SNAPC3: variants seen among roughly 807,000 people sequenced by gnomAD.
SNAPC3 encodes small nuclear RNA activating complex polypeptide 3.
A neutral mutation model predicts 47.7 loss-of-function variants in SNAPC3; 56 were observed. The observed-to-expected ratio is 1.18, with a 90% confidence interval of 0.95 to 1.47. The LOEUF is 1.47. SNAPC3 is among the 40% of genes most tolerant of loss of function. The pLI is 0.00. For synonymous variants in SNAPC3, 235 were observed against 189.9 expected, an observed-to-expected ratio of 1.24 and a Z score of -1.95; for missense variants, 665 against 511.3, an observed-to-expected ratio of 1.30 and a Z score of -2.90.
At chr9:15,443,195 G>A (rs894326137) in intron 3 of SNAPC3, among the ~76,000 whole-genome samples, 3 of 152,190 alleles carry the variant, frequency 2.0e-5, no homozygotes, top group Non-Finnish European at 2.9e-5. Flanking sequence ...GGGGAGAGGG[G>A]GAGAGGGAGA....
chr9:15,452,479 C>A (rs539408489), intron 6 of SNAPC3, among the ~76,000 whole-genome samples: 1 of 152,074 alleles, frequency 6.6e-6, no homozygotes, highest in Non-Finnish European at 1.5e-5. Flanking sequence ...CCACCACGCC[C>A]GGCTGATTTT....
At chr9:15,456,360 T>C (rs965136038) in intron 7 of SNAPC3, among the ~76,000 whole-genome samples, 9 of 152,170 alleles carry the variant, frequency 5.9e-5, no homozygotes, top group African/African-American at 2.2e-4. Context: ...ACAACGTGAT[T>C]CCAAGGCTGA....
chr9:15,425,566 C>T (rs1052321874), intron 2 of SNAPC3, among the ~76,000 whole-genome samples: 1 of 152,150 alleles, frequency 6.6e-6, no homozygotes. Context: ...ATTACCACAA[C>T]CCATCTTTCC....
chr9:15,444,026 G>T (rs140141710), intron 3 of SNAPC3, among the ~76,000 whole-genome samples: 69 of 152,330 alleles, frequency 4.5e-4, no homozygotes, highest in African/African-American at 1.6e-3. Flanking sequence ...TTTGTGACAT[G>T]ATTCCCACTT....
chr9:15,424,816 A>G lies in SNAPC3; in HGVS notation c.392+830A>G, dbSNP rs375837488. ...GTTCTGTCGTTCTTGATCCTACGCT[A>G]TTATCCCCCTCAAATATTCAGGCAG... On this transcript the variant is annotated intron_variant, in intron 2 of 8. Coordinates refer to ENST00000380821, the MANE Select transcript of SNAPC3 (RefSeq NM_001039697.2). 5.3e-5 allele frequency among the ~76,000 whole-genome samples: 8 copies of G among 152,144 alleles called. No homozygotes were observed. The East Asian group carries it at 9.6e-4, about 18-fold the overall frequency.
chr9:15,465,677 A>G (rs2035575629), downstream of SNAPC3: 7 of 1,009,712 alleles, frequency 6.9e-6, no homozygotes, highest in South Asian at 1.0e-4. Context: ...AAACCCATGA[A>G]AAGACTGAAA....
intron 3 of SNAPC3, among the ~76,000 whole-genome samples, chr9:15,436,029 A>G (rs2032770646): frequency 6.6e-6 from 1 of 151,944 alleles, no homozygotes; most frequent in Admixed American, 6.6e-5. Flanking sequence ...TTTTTAGTAG[A>G]GATGGGGTTT....
chr9:15,440,489 T>A (rs1179318876), intron 3 of SNAPC3, among the ~76,000 whole-genome samples: 2 of 152,190 alleles, frequency 1.3e-5, no homozygotes, highest in African/African-American at 2.4e-5. Flanking sequence ...TTTTTTTCTT[T>A]CATGGGTTTA....
At chr9:15,423,821 C>T (rs901685116) in intron 1 of SNAPC3, 88 bp from the exon 2 acceptor site, 11 of 655,594 alleles carry the variant, frequency 1.7e-5, no homozygotes, top group Non-Finnish European at 2.5e-5. Flanking sequence ...CTTCGTAATT[C>T]AGTAATGTAT....
At chr9:15,442,077 C>A (rs1245298044) in intron 3 of SNAPC3, among the ~76,000 whole-genome samples, 7 of 151,606 alleles carry the variant, frequency 4.6e-5, no homozygotes, top group African/African-American at 1.7e-4. Context: ...CCCCCAACCT[C>A]CCTCCCGGAC....
rs747168827 is a variant in SNAPC3 at position 15,453,179 on chromosome 9, AC to A, written c.955del (p.His319MetfsTer8). 3 of 1,613,164 alleles carry A rather than the reference AC, an allele frequency of 1.9e-6. No individual in the cohort carries two copies. Among genetic ancestry groups the A allele is most frequent in the Non-Finnish European group, 1.7e-6 (2 of 1,179,366 alleles). Reference protein sequence around the residue: ...YLYCHQGDCEHVIVITDIRLV... With the variant: ...YLYCHQGDCEXVIVITDIRLV... ...TATACTGTCATCAGGGAGACTGTGA[AC>A]ATGTCATTGTCATTACTGACATAAG... is the stretch of plus-strand genomic sequence containing the variant. On this transcript the variant is annotated frameshift_variant, in exon 7 of 9. Transcript: ENST00000380821. LOFTEE classifies it high-confidence loss of function.
At chr9:15,463,037 ATC>A (rs1327111945), downstream of SNAPC3, 1 of 152,056 alleles carries the variant, frequency 6.6e-6, no homozygotes, top group East Asian at 1.9e-4. Flanking sequence ...TATCAGCAAA[ATC>A]TATCATATTA....
intron 3 of SNAPC3, among the ~76,000 whole-genome samples, chr9:15,440,367 C>T (rs1172313090): frequency 6.6e-6 from 1 of 152,202 alleles, no homozygotes; most frequent in Non-Finnish European, 1.5e-5. Context: ...GTCAGGTCTG[C>T]TGGTAGTAAT....
At chr9:15,446,146 T>G (rs2033912330) in intron 4 of SNAPC3, among the ~76,000 whole-genome samples, 1 of 152,204 alleles carries the variant, frequency 6.6e-6, no homozygotes, top group Non-Finnish European at 1.5e-5. Context: ...GGTATCATCT[T>G]GATTATAAAC....
At chr9:15,454,229 CA>C (rs574232604) in intron 7 of SNAPC3, among the ~76,000 whole-genome samples, 2,028 of 109,816 alleles carry the variant, frequency 0.018, 28 homozygotes, top group African/African-American at 0.051. Flanking sequence ...GACCTTGTCT[CA>C]AAAAAAAAAA....
intron 8 of SNAPC3, among the ~76,000 whole-genome samples, chr9:15,458,900 G>T (rs79108152): frequency 0.037 from 5,597 of 152,156 alleles, 350 homozygotes; most frequent in African/African-American, 0.13. Context: ...GAGCATTTTG[G>T]ATTTCAAATT....
intron 2 of SNAPC3, among the ~76,000 whole-genome samples, chr9:15,428,734 G>A (rs1306431814): frequency 1.3e-5 from 2 of 151,980 alleles, no homozygotes; most frequent in Non-Finnish European, 2.9e-5. Context: ...TAAATTGTAA[G>A]ATACCTAAGG....
chr9:15,431,866 G>A (rs1203878020), intron 2 of SNAPC3: 1 of 143,878 alleles, frequency 7.0e-6, no homozygotes, highest in Non-Finnish European at 1.5e-5. Flanking sequence ...AAGAACTAAA[G>A]TCTGTATTAA....
At chr9:15,438,205 T>G (rs1290686860) in intron 3 of SNAPC3, among the ~76,000 whole-genome samples, 1 of 152,250 alleles carries the variant, frequency 6.6e-6, no homozygotes, top group Non-Finnish European at 1.5e-5. Flanking sequence ...GAATCAGTTT[T>G]GATAGTTTGT....
Sources: allele counts gnomAD v4.1 joint callset (sites outside exome capture counted in the v4.1 genomes callset), GRCh38; gene constraint gnomAD v4.1.1; transcripts MANE v1.5; gene names NCBI Gene and HGNC (gene_info 2026-07-23, HGNC 2026-07-21).